Variants in NCALD observed in about 807,000 individuals in gnomAD.
NCALD encodes neurocalcin delta.
Under a neutral mutation model 18.6 loss-of-function variants are expected in NCALD, and 10 were observed. The observed-to-expected ratio is 0.54, with a 90% CI of 0.33 to 0.91. NCALD has a LOEUF of 0.91. Among genes scored for constraint, NCALD ranks in the 40% least tolerant of loss-of-function variants. The pLI, the probability that NCALD is intolerant of heterozygous loss-of-function variation, is 0.03. For missense variants in NCALD, 184 were observed against 247.6 expected (o/e 0.74, Z 1.72); for synonymous variants, 88 against 87.4 (o/e 1.01, Z -0.04).
At position 101,894,010 on chromosome 8, in the gene NCALD, G is replaced by A. The variant is rs187732077; in HGVS notation, c.-106-6783C>T. On this transcript the variant is annotated intron_variant, in intron 3 of 6. Transcript: ENST00000311028. ...AATTGAACTAAGCTCTCCACCAAGTGGACCTAATAGACATCTACAGAACTC... is the reference window on the plus strand; with the variant it reads ...AATTGAACTAAGCTCTCCACCAAGTAGACCTAATAGACATCTACAGAACTC... 2.7e-3 allele frequency among the ~76,000 whole-genome samples: 404 copies of A among 147,438 alleles called. 32 individuals carry two copies. The highest frequency in any genetic ancestry group is 0.011 in the South Asian group (53 of 4,770).
intron 2 of NCALD, among the ~76,000 whole-genome samples, chr8:101,999,073 C>CAAAAAAAAAAAAAAAA (rs34227411): frequency 1.3e-5 from 1 of 79,370 alleles, no homozygotes; most frequent in Non-Finnish European, 2.4e-5. Context: ...CACTCACCAT[C>CAAAAAAAAAAAAAAAA]AAAAAAAAAA....
intron 1 of NCALD, among the ~76,000 whole-genome samples, chr8:102,020,580 C>T (rs1309385570): frequency 2.6e-5 from 4 of 152,178 alleles, no homozygotes; most frequent in Admixed American, 6.5e-5. Context: ...GTCCGCTTAT[C>T]CCACTTCAAT....
chr8:101,923,311 A>G (rs1818229287), intron 2 of NCALD, among the ~76,000 whole-genome samples: 2 of 152,248 alleles, frequency 1.3e-5, no homozygotes, highest in South Asian at 4.1e-4. Flanking sequence ...GACTAAGACA[A>G]CTACAAATTT....
intron 2 of NCALD, among the ~76,000 whole-genome samples, chr8:102,009,966 G>A (rs1821849057): frequency 1.3e-5 from 2 of 152,200 alleles, no homozygotes; most frequent in African/African-American, 4.8e-5. Context: ...GTGTCCCCCA[G>A]TACTGGGGAG....
chr8:101,990,691 C>A (rs78213427), intron 2 of NCALD, among the ~76,000 whole-genome samples: 1,586 of 152,280 alleles, frequency 0.01, 32 homozygotes, highest in African/African-American at 0.035. Context: ...GGCCTCCATG[C>A]CACATGGAAC....
rs10113096 is a variant in NCALD, at chr8:101,835,162, C to T, written c.-20+51979G>A. Among the ~76,000 whole-genome samples the T allele has an allele frequency of 6.7e-3, 1,020 of 152,344 alleles. 13 individuals carry two copies. Among genetic ancestry groups the T allele is most frequent in the African/African-American group, 0.023 (950 of 41,570 alleles). On this transcript the variant is annotated intron_variant, in intron 4 of 6. Coordinates refer to the NCALD transcript ENST00000311028. ...AGCAGTGTGCTTGGTTAGGTACCAT[C>T]GGATGCTGTAACAAGTAAACCTCAA...
chr8:102,116,646 T>A (rs1216465911), intron 1 of NCALD, among the ~76,000 whole-genome samples: 1 of 151,940 alleles, frequency 6.6e-6, no homozygotes, highest in Non-Finnish European at 1.5e-5. Context: ...AGAGGCCTAA[T>A]TTTTTTTCTT....
intron 3 of NCALD, among the ~76,000 whole-genome samples, chr8:101,904,362 A>G (rs190355334): frequency 1.3e-4 from 20 of 152,238 alleles, no homozygotes; most frequent in South Asian, 4.2e-4. Context: ...AGCAAAAAGA[A>G]ATAAAAGGTC....
intron 2 of NCALD, among the ~76,000 whole-genome samples, chr8:101,701,393 T>G (rs934554733): frequency 6.6e-6 from 1 of 152,190 alleles, no homozygotes; most frequent in Non-Finnish European, 1.5e-5. Flanking sequence ...TCATCCTGTT[T>G]TCAATTAAAC....
intron 2 of NCALD, among the ~76,000 whole-genome samples, chr8:101,701,252 A>G (rs538013182): frequency 6.6e-6 from 1 of 152,294 alleles, no homozygotes; most frequent in Non-Finnish European, 1.5e-5. Flanking sequence ...CCAGACAGCC[A>G]TCTGAGACAA....
At chr8:101,782,978 A>G (rs1024867016) in intron 1 of NCALD, among the ~76,000 whole-genome samples, 1 of 152,194 alleles carries the variant, frequency 6.6e-6, no homozygotes, top group East Asian at 1.9e-4. Context: ...CTCATGCAGT[A>G]TCCTACTTAG....
intron 1 of NCALD, among the ~76,000 whole-genome samples, chr8:101,744,571 C>T (rs1288377649): frequency 6.6e-6 from 1 of 152,158 alleles, no homozygotes; most frequent in Non-Finnish European, 1.5e-5. Context: ...ATCTGAGTTT[C>T]AGGCTGTGCA....
At chr8:101,801,485 G>A (rs1208677084) in intron 4 of NCALD, among the ~76,000 whole-genome samples, 1 of 151,476 alleles carries the variant, frequency 6.6e-6, no homozygotes, top group Non-Finnish European at 1.5e-5. Context: ...CATTATAAAT[G>A]ACTGAAATCA....
intron 1 of NCALD, among the ~76,000 whole-genome samples, chr8:101,779,077 G>T (rs919347712): frequency 2.6e-5 from 4 of 152,166 alleles, no homozygotes; most frequent in African/African-American, 9.7e-5. Context: ...CCATAAAATT[G>T]TGATGGAAAG....
chr8:101,817,679 G>C (rs543265160), intron 4 of NCALD, among the ~76,000 whole-genome samples: 2 of 152,224 alleles, frequency 1.3e-5, no homozygotes, highest in South Asian at 4.2e-4. Context: ...ACCCTAAAGA[G>C]AGGAGTTCAG....
intron 2 of NCALD, among the ~76,000 whole-genome samples, chr8:101,999,320 C>T (rs1821357757): frequency 6.6e-6 from 1 of 151,958 alleles, no homozygotes; most frequent in Non-Finnish European, 1.5e-5. Context: ...ACATACATAC[C>T]ATGGAATACT....
chr8:101,826,401 C>T (rs1813939029), intron 4 of NCALD, among the ~76,000 whole-genome samples: 1 of 147,780 alleles, frequency 6.8e-6, no homozygotes, highest in Non-Finnish European at 1.5e-5. Flanking sequence ...TAGAATCTTC[C>T]CATGATTCAG....
At chr8:102,001,183 G>A (rs201802397) in intron 2 of NCALD, among the ~76,000 whole-genome samples, 1 of 152,184 alleles carries the variant, frequency 6.6e-6, no homozygotes, top group South Asian at 2.1e-4. Flanking sequence ...GTCCTTAAAG[G>A]ACCTGATGGA....
At chr8:101,731,152 C>T (rs1428689400) in intron 1 of NCALD, among the ~76,000 whole-genome samples, 1 of 152,024 alleles carries the variant, frequency 6.6e-6, no homozygotes, top group African/African-American at 2.4e-5. Flanking sequence ...AACGAGAGGG[C>T]TCTAAACTGG....
Sources: gnomAD v4.1 joint callset for allele counts (sites outside exome capture counted in the v4.1 genomes callset) on GRCh38, gnomAD v4.1.1 for gene constraint, MANE v1.5 for transcripts, NCBI Gene and HGNC (gene_info 2026-07-23, HGNC 2026-07-21) for gene names.